Variants in CENPP observed in about 807,000 individuals in gnomAD.
CENPP encodes the protein centromere protein P.
Under a neutral mutation model 35.6 loss-of-function variants are expected in CENPP, and 24 were observed. That is an observed-to-expected ratio of 0.67 (90% CI 0.49 to 0.95). The LOEUF is 0.95. CENPP is among the 40% of genes least tolerant of loss of function. The probability of loss-of-function intolerance (pLI) is 0.00; values close to 1 mark genes in which losing one functional copy is unlikely to be tolerated. For synonymous variants in CENPP, 120 were observed against 125.5 expected (o/e 0.96, Z 0.29); for missense variants, 332 against 345.3 (o/e 0.96, Z 0.31).
chr9:92,338,888 A>T (rs967198830), intron 3 of CENPP, among the ~76,000 whole-genome samples: 1 of 152,202 alleles, frequency 6.6e-6, no homozygotes, highest in Non-Finnish European at 1.5e-5. Context: ...CCTTTGGCTA[A>T]GACCTTCACA....
chr9:92,422,879 C>G (rs1486934226), intron 5 of CENPP, among the ~76,000 whole-genome samples: 1 of 152,202 alleles, frequency 6.6e-6, no homozygotes, highest in Non-Finnish European at 1.5e-5. Context: ...GCTTTTCATA[C>G]TCTACAATGT....
intron 4 of CENPP, 98 bp downstream of exon 4, chr9:92,345,885 G>A (rs1380102685): frequency 2.9e-6 from 2 of 678,132 alleles, no homozygotes; most frequent in Admixed American, 2.6e-5. Context: ...AAGTAAATAG[G>A]TCTTCTCTGA....
intron 5 of CENPP, among the ~76,000 whole-genome samples, chr9:92,511,362 T>A (rs1351725350): frequency 1.6e-5 from 2 of 124,818 alleles, no homozygotes; most frequent in Non-Finnish European, 3.2e-5. Flanking sequence ...CCTGACCTCA[T>A]GATCCGCCCA....
At chr9:92,392,636 A>G (rs867500441) in intron 5 of CENPP, among the ~76,000 whole-genome samples, 6 of 145,644 alleles carry the variant, frequency 4.1e-5, no homozygotes, top group African/African-American at 1.7e-4. Flanking sequence ...AGGGGGGAGA[A>G]AAAAAAAACA....
chr9:92,579,301 T>C (rs1174098565), intron 5 of CENPP, among the ~76,000 whole-genome samples: 2 of 150,032 alleles, frequency 1.3e-5, no homozygotes, highest in African/African-American at 4.9e-5. Context: ...TTTGGTTCCA[T>C]ATGAACTTTA....
chr9:92,357,551 A>G (rs1841624637), intron 4 of CENPP, among the ~76,000 whole-genome samples: 1 of 151,116 alleles, frequency 6.6e-6, no homozygotes, highest in Admixed American at 6.6e-5. Flanking sequence ...CTGGAGTTCA[A>G]TGGCGCGATC....
chr9:92,606,475 ACT>A (rs1445758826), intron 5 of CENPP, among the ~76,000 whole-genome samples: 1 of 152,112 alleles, frequency 6.6e-6, no homozygotes, highest in Non-Finnish European at 1.5e-5. Flanking sequence ...CAGTTTGGCA[ACT>A]CCCCAATGGT....
intron 1 of CENPP, among the ~76,000 whole-genome samples, chr9:92,331,896 T>C (rs967313648): frequency 2.6e-4 from 40 of 152,130 alleles, no homozygotes; most frequent in Admixed American, 1.2e-3. Context: ...TGCAGTGCAC[T>C]ATGATTACAC....
chr9:92,606,623 G>T (rs1851088060), intron 5 of CENPP, among the ~76,000 whole-genome samples: 1 of 152,296 alleles, frequency 6.6e-6, no homozygotes, highest in Non-Finnish European at 1.5e-5. Context: ...AAGCCAAAAA[G>T]GGCAAGGCAC....
intron 1 of CENPP, among the ~76,000 whole-genome samples, chr9:92,330,407 T>C (rs1320023632): frequency 1.3e-5 from 2 of 152,212 alleles, no homozygotes; most frequent in South Asian, 2.1e-4. Context: ...TCCTGCAGAA[T>C]GAAAGAATAC....
At chr9:92,417,633 T>A (rs2761676) in intron 5 of CENPP, 1 of 863,078 alleles carries the variant, frequency 1.2e-6, no homozygotes, top group East Asian at 2.6e-5. Flanking sequence ...GAATACGCTT[T>A]GTATAAATTC....
intron 5 of CENPP, among the ~76,000 whole-genome samples, chr9:92,532,013 A>ATTTTTTTTTTT (rs1368397928): frequency 8.7e-5 from 6 of 68,948 alleles, no homozygotes; most frequent in East Asian, 2.5e-4. Flanking sequence ...TTTTTATTTA[A>ATTTTTTTTTTT]TGTTTTTTTT....
intron 5 of CENPP, among the ~76,000 whole-genome samples, chr9:92,566,172 G>A (rs896511914): frequency 6.6e-6 from 1 of 151,498 alleles, no homozygotes; most frequent in African/African-American, 2.4e-5. Flanking sequence ...GTGATGTCGG[G>A]TGCCTGTAAT....
In CENPP at chr9:92,494,278, C is replaced by T. The variant is rs776544258; in HGVS notation, c.564+114419C>T. On this transcript the variant is annotated intron_variant, in intron 5 of 7. Transcript: ENST00000375587. Reference sequence around the variant, plus strand: ...CCCCCTTTAATACTAATTTTGTTTACAGCTTAGATTGCCTTAAACCATTTA... The same window carrying T: ...CCCCCTTTAATACTAATTTTGTTTATAGCTTAGATTGCCTTAAACCATTTA... 7.6e-6 allele frequency: 6 copies of T among 790,578 alleles called. No individual in the cohort carries two copies. The East Asian group carries it at 1.2e-4, about 15-fold the overall frequency. The allele number at this position is 790,578 out of a possible 1,614,324, so 49.0% of individuals were successfully genotyped here.
chr9:92,443,140 C>A (rs1039414355), intron 5 of CENPP, among the ~76,000 whole-genome samples: 2 of 152,092 alleles, frequency 1.3e-5, no homozygotes, highest in Non-Finnish European at 2.9e-5. Context: ...TTACAGTAGA[C>A]ATAATTATAT....
chr9:92,428,225 G>A (rs1471040777), intron 5 of CENPP, among the ~76,000 whole-genome samples: 1 of 152,100 alleles, frequency 6.6e-6, no homozygotes, highest in Non-Finnish European at 1.5e-5. Context: ...CACATTTTCT[G>A]TAAATGGTGC....
intron 5 of CENPP, among the ~76,000 whole-genome samples, chr9:92,486,355 TA>T (rs1270294047): frequency 6.6e-6 from 1 of 152,250 alleles, no homozygotes; most frequent in Non-Finnish European, 1.5e-5. Context: ...CTTCGGTTTC[TA>T]ATGAACTTAT....
Position 92,463,683 on chromosome 9 carries a change from G to A in CENPP, c.564+83824G>A, listed in dbSNP as rs1325060037. ...ATGTTATCTTCCAGCAGATGAAAGGGATTTTATATGTTTAACTTATTGGGT... is the reference window on the plus strand; with the variant it reads ...ATGTTATCTTCCAGCAGATGAAAGGAATTTTATATGTTTAACTTATTGGGT... On this transcript the variant is annotated intron_variant, in intron 5 of 7. Coordinates refer to ENST00000375587, the MANE Select transcript of CENPP (RefSeq NM_001012267.3). 3.9e-5 allele frequency among the ~76,000 whole-genome samples: 6 copies of A among 152,246 alleles called. No homozygotes were observed. The South Asian group carries it at 1.0e-3, about 26-fold the overall frequency.
intron 5 of CENPP, chr9:92,459,914 C>G: frequency 1.5e-6 from 1 of 658,266 alleles, no homozygotes; most frequent in Admixed American, 3.5e-5. Flanking sequence ...TATTTAATAA[C>G]CTACTTCAGT....
Sources: gnomAD v4.1 joint callset for allele counts (sites outside exome capture counted in the v4.1 genomes callset) on GRCh38, gnomAD v4.1.1 for gene constraint, MANE v1.5 for transcripts, NCBI Gene and HGNC (gene_info 2026-07-23, HGNC 2026-07-21) for gene names.